ATP8A1: variants seen among roughly 807,000 people sequenced by gnomAD.
ATP8A1 encodes ATPase phospholipid transporting 8A1, also known as phospholipid-transporting ATPase IA.
ATP8A1 carries 90 observed loss-of-function variants against 177.7 expected under a neutral mutation model. That is an observed-to-expected ratio of 0.51 (90% CI 0.43 to 0.60). ATP8A1 has a LOEUF of 0.60. ATP8A1 is among the 20% of genes least tolerant of loss of function. The pLI, the probability that ATP8A1 is intolerant of heterozygous loss-of-function variation, is 0.00. For missense variants in ATP8A1, 1,072 were observed against 1,392.8 expected, an observed-to-expected ratio of 0.77 and a Z score of 3.67; for synonymous variants, 493 against 485.9, an observed-to-expected ratio of 1.01 and a Z score of -0.19.
intron 1 of ATP8A1, among the ~76,000 whole-genome samples, chr4:42,645,333 T>C (rs1325597415): frequency 6.6e-6 from 1 of 152,216 alleles, no homozygotes; most frequent in Non-Finnish European, 1.5e-5. Flanking sequence ...ATATTTTGGG[T>C]AAATTGCTTG....
At chr4:42,555,216 C>T (rs933235979) in intron 16 of ATP8A1, among the ~76,000 whole-genome samples, 2 of 126,750 alleles carry the variant, frequency 1.6e-5, no homozygotes, top group Admixed American at 8.2e-5. Context: ...TTCTGCCCCC[C>T]CCTAGAGAAC....
intron 15 of ATP8A1, 159 bp from the exon 16 acceptor site, chr4:42,556,199 G>C (rs1163211296): frequency 2.2e-6 from 1 of 451,336 alleles, no homozygotes; most frequent in African/African-American, 2.0e-5. Flanking sequence ...CAGATTTCAT[G>C]ATTGTATCAC....
At chr4:42,557,842 A>G (rs1237629339) in intron 15 of ATP8A1, among the ~76,000 whole-genome samples, 2 of 152,152 alleles carry the variant, frequency 1.3e-5, no homozygotes, top group Non-Finnish European at 2.9e-5. Flanking sequence ...CAGGAGTTCG[A>G]GACCAGCCTG....
chr4:42,611,375 CATAAT>C (rs1736354535), intron 5 of ATP8A1, among the ~76,000 whole-genome samples: 1 of 152,090 alleles, frequency 6.6e-6, no homozygotes, highest in South Asian at 2.1e-4. Context: ...TGCTTAGTAT[CATAAT>C]AAAATAGGGT....
chr4:42,589,127 A>G lies in ATP8A1; in HGVS notation c.525-798T>C, dbSNP rs73810725. Among the ~76,000 whole-genome samples the G allele has an allele frequency of 7.8e-3, 1,187 of 152,284 alleles. 19 individuals are homozygous for G. Among genetic ancestry groups the G allele is most frequent in the African/African-American group, 0.027 (1,124 of 41,554 alleles). ...TGTTCTCCAGTTTTATCACACCACC[A>G]CAGCCCAGACTGTCTTATCTTTCCC... On this transcript the variant is annotated intron_variant, in intron 7 of 36. Transcript: ENST00000381668.
intron 15 of ATP8A1, among the ~76,000 whole-genome samples, chr4:42,560,431 C>G (rs937927865): frequency 6.6e-6 from 1 of 152,028 alleles, no homozygotes; most frequent in Non-Finnish European, 1.5e-5. Flanking sequence ...GAAATAAACA[C>G]CCTATCTATA....
intron 22 of ATP8A1, among the ~76,000 whole-genome samples, chr4:42,521,187 C>CA (rs1184327236): frequency 6.6e-6 from 1 of 152,206 alleles, no homozygotes; most frequent in Non-Finnish European, 1.5e-5. Context: ...CTATGCAATA[C>CA]AAACATGAGT....
intron 20 of ATP8A1, among the ~76,000 whole-genome samples, chr4:42,537,178 T>C (rs1727930348): frequency 6.7e-6 from 1 of 148,392 alleles, no homozygotes; most frequent in Non-Finnish European, 1.5e-5. Flanking sequence ...CACGTGATCA[T>C]CTCAATAGAT....
intron 1 of ATP8A1, among the ~76,000 whole-genome samples, chr4:42,654,755 T>C (rs1334051722): frequency 6.6e-6 from 1 of 152,176 alleles, no homozygotes; most frequent in African/African-American, 2.4e-5. Flanking sequence ...CTGAGTCACA[T>C]AAGAATTGGT....
chr4:42,636,700 C>T (rs1193226275), intron 1 of ATP8A1, among the ~76,000 whole-genome samples: 1 of 152,142 alleles, frequency 6.6e-6, no homozygotes, highest in African/African-American at 2.4e-5. Context: ...CTCTTTCCAG[C>T]TCGGCATCTG....
At chr4:42,551,383 G>T in intron 17 of ATP8A1, 103 bp from the exon 18 acceptor site, 1 of 775,798 alleles carries the variant, frequency 1.3e-6, no homozygotes, top group Non-Finnish European at 2.2e-6. Flanking sequence ...TTTAATTAAA[G>T]TTCTTTTTAT....
At chr4:42,556,981 G>A (rs1730304876) in intron 15 of ATP8A1, among the ~76,000 whole-genome samples, 1 of 152,144 alleles carries the variant, frequency 6.6e-6, no homozygotes, top group Non-Finnish European at 1.5e-5. Flanking sequence ...TATCAAGACT[G>A]TCATATTGTA....
chr4:42,509,208 T>C (rs1452534999), intron 22 of ATP8A1, among the ~76,000 whole-genome samples: 2 of 152,206 alleles, frequency 1.3e-5, no homozygotes, highest in East Asian at 1.9e-4. Flanking sequence ...ATAAAGGCCA[T>C]ATAGAAGACA....
rs68057718 is a variant in ATP8A1, at chr4:42,518,618, T to TA, written c.1947+3541dup. 8.0e-3 allele frequency among the ~76,000 whole-genome samples: 1,224 copies of TA among 152,246 alleles called. 48 individuals are homozygous for TA. The highest frequency in any genetic ancestry group is 0.067 in the Admixed American group (1,018 of 15,288). On this transcript the variant is annotated intron_variant, in intron 22 of 36. Coordinates refer to ENST00000381668, the MANE Select transcript of ATP8A1 (RefSeq NM_006095.2). The stretch of plus-strand genomic sequence containing the variant: ...CTTGGAAAATTCTGTTCTTAAAAAA[T>TA]AAAAGATGTGAAAACGACCCTCACA...
Position 42,627,069 on chromosome 4 carries a change from C to T in ATP8A1, c.90G>A (p.Leu30=). 1.9e-6 allele frequency: 3 copies of T among 1,614,104 alleles called. No homozygotes were observed. Among genetic ancestry groups the T allele is most frequent in the Non-Finnish European group, 2.5e-6 (3 of 1,179,970 alleles). The change falls in exon 2 of 37, where the codon CTG becomes CTA. Residue 30 remains leucine, a synonymous_variant. Transcript: ENST00000381668. ...KTDDVSEKTS[L]ADQEEVRTIF... The stretch of plus-strand genomic sequence containing the variant: ...TAGTCCTTACTTCCTCCTGGTCAGC[C>T]AGTGAGGTCTTCTCTGAAACATCAT...
At position 42,496,284 on chromosome 4, in the gene ATP8A1, T is replaced by C. The variant is rs192370716; in HGVS notation, c.2151+7166A>G. Among the ~76,000 whole-genome samples, 475 of 152,310 alleles carry C rather than the reference T, an allele frequency of 3.1e-3. 1 individual carries two copies. The highest frequency in any genetic ancestry group is 0.017 in the Middle Eastern group (5 of 294). On this transcript the variant is annotated intron_variant, in intron 24 of 36. Transcript: ENST00000381668. ...AAGAGTGGGATAAGGGATATAATTATATAATTTAAAGAGTTTTCTGGATAA... is the reference window on the plus strand; with the variant it reads ...AAGAGTGGGATAAGGGATATAATTACATAATTTAAAGAGTTTTCTGGATAA...
chr4:42,554,579 G>A (rs1185667947), intron 16 of ATP8A1, among the ~76,000 whole-genome samples: 1 of 152,198 alleles, frequency 6.6e-6, no homozygotes, highest in African/African-American at 2.4e-5. Flanking sequence ...AAGTCCACCT[G>A]TGCTAGAGAA....
Position 42,652,691 on chromosome 4 carries a change from G to A in ATP8A1, c.49+4134C>T, listed in dbSNP as rs1178987269. ...TGAATCATGGGGGCAGGTCTTTCCC[G>A]TGCTGTTCTCATGACAGTGAATAAG... On this transcript the variant is annotated intron_variant, in intron 1 of 36. Transcript: ENST00000381668. 3.9e-5 allele frequency among the ~76,000 whole-genome samples: 6 copies of A among 152,010 alleles called. 1 individual carries two copies. Among genetic ancestry groups the A allele is most frequent in the Admixed American group, 1.3e-4 (2 of 15,256 alleles).
At chr4:42,531,176 C>A (rs1256996749) in intron 20 of ATP8A1, among the ~76,000 whole-genome samples, 1 of 152,100 alleles carries the variant, frequency 6.6e-6, no homozygotes, top group African/African-American at 2.4e-5. Context: ...TCCATTAGGG[C>A]GACTCTTAGT....
Sources: allele counts gnomAD v4.1 joint callset (sites outside exome capture counted in the v4.1 genomes callset), GRCh38; gene constraint gnomAD v4.1.1; transcripts MANE v1.5; gene names NCBI Gene and HGNC (gene_info 2026-07-23, HGNC 2026-07-21).